LIMS2: variants seen among roughly 807,000 people sequenced by gnomAD.
LIMS2 encodes LIM and senescent cell antigen-like-containing domain protein 2.
LIMS2 carries 30 observed loss-of-function variants against 45.3 expected under a neutral mutation model. The observed-to-expected ratio is 0.66, with a 90% CI of 0.50 to 0.90. The LOEUF (loss-of-function observed/expected upper bound fraction) is 0.90, where lower values mean the gene tolerates loss of function less well. Ranked by LOEUF, LIMS2 falls within the 40% of genes least tolerant of loss-of-function variation. The probability of loss-of-function intolerance (pLI) is 0.00; values close to 1 mark genes in which losing one functional copy is unlikely to be tolerated. For missense variants in LIMS2, 485 were observed against 468.7 expected (o/e 1.03, Z -0.32); for synonymous variants, 173 against 188.0 (o/e 0.92, Z 0.65).
At chr2:127,655,027 G>C in intron 2 of LIMS2, 131 bp from the exon 3 acceptor site, 1 of 836,750 alleles carries the variant, frequency 1.2e-6, no homozygotes. Flanking sequence ...GGCTGAGGCT[G>C]GAGCAGTGGG....
In LIMS2 at chr2:127,653,921, C is replaced by T. The variant is rs953462895; in HGVS notation, c.359+503G>A. Among the ~76,000 whole-genome samples, 10 of 151,970 alleles carry T rather than the reference C, an allele frequency of 6.6e-5. No individual in the cohort carries two copies. The highest frequency in any genetic ancestry group is 2.4e-4 in the African/African-American group (10 of 41,352). On this transcript the variant is annotated intron_variant, in intron 4 of 9. Transcript: ENST00000355119. This position sits in a 1 kb window ranked among gnomAD's most constrained non-coding sequence, Gnocchi z 5.3. ...ATGAACAGGGCTCACAGACAGAGGC[C>T]GGGCTGCACGGGATCTCAGAGCTAG...
At chr2:127,670,676 A>G (rs1432609877) in intron 1 of LIMS2, among the ~76,000 whole-genome samples, 2 of 152,246 alleles carry the variant, frequency 1.3e-5, no homozygotes, top group Admixed American at 6.5e-5. Flanking sequence ...GAAGAATGCA[A>G]CTACATGGCT....
At chr2:127,639,944 G>A (rs958695829) in intron 9 of LIMS2, 126 bp downstream of exon 9, 8 of 1,011,816 alleles carry the variant, frequency 7.9e-6, no homozygotes, top group African/African-American at 3.2e-5. Context: ...TATAAGGCCG[G>A]GCTGCCCCTT....
At chr2:127,679,391 A>C (rs983993045), upstream of LIMS2, among the ~76,000 whole-genome samples, 1 of 152,142 alleles carries the variant, frequency 6.6e-6, no homozygotes, top group African/African-American at 2.4e-5. This position sits in a 1 kb window ranked among gnomAD's most constrained non-coding sequence, Gnocchi z 5.3. Context: ...ATGGGATGGC[A>C]TCACTGAGGG....
Position 127,664,270 on chromosome 2 carries a change from T to A in LIMS2, c.12-6708A>T. On this transcript the variant is annotated intron_variant, in intron 1 of 9. Coordinates refer to ENST00000355119, the MANE Select transcript of LIMS2 (RefSeq NM_001161403.3). This position sits in a 1 kb window ranked among gnomAD's most constrained non-coding sequence, Gnocchi z 5.5. Reference sequence around the variant, plus strand: ...CCCTGCCGCCGCAGCTTTCCGGCCATTGTCCCCGCCACCCGCCCCGCCCCT... The same window carrying A: ...CCCTGCCGCCGCAGCTTTCCGGCCAATGTCCCCGCCACCCGCCCCGCCCCT... 1 of 1,228,866 alleles carries A rather than the reference T, an allele frequency of 8.1e-7. No homozygotes were observed. The highest frequency in any genetic ancestry group is 1.0e-6 in the Non-Finnish European group (1 of 986,424). The allele number at this position is 1,228,866 out of a possible 1,614,324, so 76.1% of individuals were successfully genotyped here. A position where few individuals can be genotyped will look rare whatever the true frequency, so the allele number is the denominator to read the frequency against.
Position 127,642,012 on chromosome 2 carries a change from C to G in LIMS2, c.660+37G>C. ...ACCATGACCCTGAGCTGGGGCACCC[C>G]CCAACCTGAGGCCACGTGTCCACCA... On this transcript the variant is annotated intron_variant, in intron 6 of 9. Coordinates refer to ENST00000355119, the MANE Select transcript of LIMS2 (RefSeq NM_001161403.3). The surrounding 1 kb of genome is among the most constrained non-coding windows in gnomAD (Gnocchi z 5.3). 1 of 1,602,834 alleles carries G rather than the reference C, an allele frequency of 6.2e-7. No homozygotes were observed.
chr2:127,639,185 G>T lies in LIMS2; in HGVS notation c.*96C>A. ...AGGAAAGAGAAAGGGAGGGTAAGAT[G>T]CGGAGGGCACAGGTGGATGGGGACG... On this transcript the variant is annotated 3_prime_UTR_variant, in exon 10 of 10. Transcript: ENST00000355119. The T allele has an allele frequency of 7.7e-7, 1 of 1,303,108 alleles. No homozygotes were observed. The highest frequency in any genetic ancestry group is 1.1e-6 in the Non-Finnish European group (1 of 931,726). The allele number at this position is 1,303,108 out of a possible 1,614,324, so 80.7% of individuals were successfully genotyped here.
rs1361376274 is a variant in LIMS2, at chr2:127,672,284, T to C, written c.11+2730A>G. 6.6e-6 allele frequency among the ~76,000 whole-genome samples: 1 copy of C among 152,172 alleles called. No homozygotes were observed. The highest frequency in any genetic ancestry group is 2.4e-5 in the African/African-American group (1 of 41,434). On this transcript the variant is annotated intron_variant, in intron 1 of 9. Coordinates refer to ENST00000355119, the MANE Select transcript of LIMS2 (RefSeq NM_001161403.3). This position sits in a 1 kb window ranked among gnomAD's most constrained non-coding sequence, Gnocchi z 4.9. ...CTTCAGCTGTGATAGTCAAAGATCT[T>C]GTGGTTGTAAGTTGCAAAGTCCCTG...
intron 1 of LIMS2, among the ~76,000 whole-genome samples, chr2:127,665,231 C>T (rs1453353825): frequency 6.6e-6 from 1 of 152,154 alleles, no homozygotes; most frequent in Non-Finnish European, 1.5e-5. Flanking sequence ...AGCATTGATC[C>T]CATTTCCCTG....
At chr2:127,645,349 G>T (rs567976655) in intron 4 of LIMS2, among the ~76,000 whole-genome samples, 4 of 152,204 alleles carry the variant, frequency 2.6e-5, no homozygotes, top group Non-Finnish European at 4.4e-5. Context: ...AGGGTGATTT[G>T]GTTTCCCATG....
intron 4 of LIMS2, among the ~76,000 whole-genome samples, chr2:127,648,967 GGGGAGGGGAGGGAGGGGAGGGGA>G (rs1274775917): frequency 0.013 from 200 of 15,300 alleles, no homozygotes; most frequent in African/African-American, 0.047. Context: ...GAGGGGAGGG[GGGGAGGGGAGGGAGGGGAGGGGA>G]GGGAGGGGAG....
chr2:127,650,129 C>G, intron 4 of LIMS2: 4 of 1,491,774 alleles, frequency 2.7e-6, no homozygotes, highest in Non-Finnish European at 3.7e-6. Flanking sequence ...TTGCTGCCAT[C>G]CTGGGGGCAC....
intron 4 of LIMS2, chr2:127,650,160 A>G (rs1683581708): frequency 1.6e-6 from 2 of 1,265,882 alleles, no homozygotes; most frequent in Non-Finnish European, 1.1e-6. Flanking sequence ...GCCAGGGGCA[A>G]GCCATGGTCA....
chr2:127,663,698 A>G (rs893038470), intron 1 of LIMS2, among the ~76,000 whole-genome samples: 1 of 149,328 alleles, frequency 6.7e-6, no homozygotes, highest in Non-Finnish European at 1.5e-5. Flanking sequence ...CTTGATGCCA[A>G]GGACCCCAAG....
At position 127,667,484 on chromosome 2, in the gene LIMS2, AAGTATT is replaced by A. The variant is rs1685066270; in HGVS notation, c.11+7524_11+7529del. ...TACAATAAATCTAACACTCTATAAA[AAGTATT>A]ATACACCGTGACCAAATGGGATTTA... On this transcript the variant is annotated intron_variant, in intron 1 of 9. Transcript: ENST00000355119. This position sits in a 1 kb window ranked among gnomAD's most constrained non-coding sequence, Gnocchi z 4.1. 6.6e-6 allele frequency among the ~76,000 whole-genome samples: 1 copy of A among 152,238 alleles called. No individual in the cohort carries two copies. Among genetic ancestry groups the A allele is most frequent in the African/African-American group, 2.4e-5 (1 of 41,452 alleles).
chr2:127,665,212 G>A (rs899631342), intron 1 of LIMS2, among the ~76,000 whole-genome samples: 3 of 152,150 alleles, frequency 2.0e-5, no homozygotes, highest in African/African-American at 4.8e-5. Flanking sequence ...AGCACTCATG[G>A]AAATCTTTAG....
At chr2:127,659,783 A>G (rs1253382864) in intron 1 of LIMS2, among the ~76,000 whole-genome samples, 2 of 152,174 alleles carry the variant, frequency 1.3e-5, no homozygotes, top group Non-Finnish European at 2.9e-5. Flanking sequence ...CCAGTGAGTG[A>G]GCACACATCC....
At chr2:127,645,428 C>T (rs958930208) in intron 4 of LIMS2, among the ~76,000 whole-genome samples, 46 of 152,174 alleles carry the variant, frequency 3.0e-4, no homozygotes, top group African/African-American at 9.9e-4. Context: ...CAGAGGCGGC[C>T]GCCGGCAGCA....
chr2:127,676,098 C>T (rs188089705), upstream of LIMS2, among the ~76,000 whole-genome samples: 5 of 152,242 alleles, frequency 3.3e-5, no homozygotes, highest in African/African-American at 9.6e-5. Flanking sequence ...AACAAAAAAC[C>T]CCCGCCCTGC....
Sources: gnomAD v4.1 joint callset for allele counts (sites outside exome capture counted in the v4.1 genomes callset) on GRCh38, gnomAD v4.1.1 for gene constraint, Gnocchi (gnomAD v3.1) non-coding constraint, MANE v1.5 for transcripts, NCBI Gene and HGNC (gene_info 2026-07-23, HGNC 2026-07-21) for gene names.